Variants in KCNMB2 observed in about 807,000 individuals in gnomAD.
The protein encoded by KCNMB2 is calcium-activated potassium channel subunit beta-2.
Under a neutral mutation model 24.5 loss-of-function variants are expected in KCNMB2, and 9 were observed. The ratio of observed to expected loss-of-function variants is 0.37; its 90% CI spans 0.22 to 0.64. The LOEUF is 0.64. Among genes scored for constraint, KCNMB2 ranks in the 30% least tolerant of loss-of-function variants. KCNMB2 has a pLI of 0.63. For synonymous variants in KCNMB2, 109 were observed against 104.4 expected (o/e 1.04, Z -0.27); for missense variants, 226 against 284.3 (o/e 0.79, Z 1.47).
chr3:178,559,982 A>C (rs1016851116), intron 1 of KCNMB2, among the ~76,000 whole-genome samples: 7 of 147,804 alleles, frequency 4.7e-5, no homozygotes, highest in Middle Eastern at 3.6e-3. Flanking sequence ...AAAACAATAT[A>C]TGTATATTTA....
At chr3:178,677,782 G>T (rs189132681) in intron 1 of KCNMB2, among the ~76,000 whole-genome samples, 34 of 152,304 alleles carry the variant, frequency 2.2e-4, no homozygotes, top group African/African-American at 7.5e-4. Context: ...GCCCTTCAAG[G>T]GGGAGAAGGA....
intron 1 of KCNMB2, among the ~76,000 whole-genome samples, chr3:178,727,648 G>A (rs749669444): frequency 1.1e-4 from 16 of 152,098 alleles, no homozygotes; most frequent in Non-Finnish European, 7.4e-5. Context: ...TGGAGGAAGG[G>A]AGTCATGAGC....
At chr3:178,686,138 T>C (rs1721463459) in intron 1 of KCNMB2, among the ~76,000 whole-genome samples, 1 of 152,194 alleles carries the variant, frequency 6.6e-6, no homozygotes, top group Non-Finnish European at 1.5e-5. Context: ...ATGAGAAATA[T>C]GTTTTTCTCA....
intron 1 of KCNMB2, among the ~76,000 whole-genome samples, chr3:178,717,782 T>A (rs561911086): frequency 6.6e-6 from 1 of 151,716 alleles, no homozygotes; most frequent in Non-Finnish European, 1.5e-5. Flanking sequence ...CAAAGATGAA[T>A]AAGACAGCCT....
intron 1 of KCNMB2, among the ~76,000 whole-genome samples, chr3:178,630,708 C>A (rs1319296585): frequency 6.6e-6 from 1 of 152,170 alleles, no homozygotes; most frequent in Non-Finnish European, 1.5e-5. Context: ...CTTTTCTTGT[C>A]TTCCCCATCT....
intron 1 of KCNMB2, among the ~76,000 whole-genome samples, chr3:178,716,766 G>T (rs1336665150): frequency 6.6e-6 from 1 of 152,146 alleles, no homozygotes; most frequent in Non-Finnish European, 1.5e-5. Flanking sequence ...GGCCTTGAGA[G>T]AATCTCAGGG....
intron 1 of KCNMB2, among the ~76,000 whole-genome samples, chr3:178,542,099 A>G (rs1715639803): frequency 6.6e-6 from 1 of 152,172 alleles, no homozygotes; most frequent in Non-Finnish European, 1.5e-5. Context: ...CCCTTGTCCA[A>G]GTGTGCGCTC....
intron 1 of KCNMB2, among the ~76,000 whole-genome samples, chr3:178,787,326 CAT>C (rs1422161772): frequency 2.0e-5 from 3 of 152,102 alleles, no homozygotes; most frequent in Non-Finnish European, 2.9e-5. Context: ...CAGGTATTAA[CAT>C]ATATATGTAT....
chr3:178,745,421 T>C (rs1723632623), intron 1 of KCNMB2, among the ~76,000 whole-genome samples: 1 of 152,118 alleles, frequency 6.6e-6, no homozygotes, highest in African/African-American at 2.4e-5. Flanking sequence ...CATGATTCAA[T>C]TACCTCCCAC....
chr3:178,660,107 A>T (rs1418801147), intron 1 of KCNMB2, among the ~76,000 whole-genome samples: 1 of 152,122 alleles, frequency 6.6e-6, no homozygotes, highest in African/African-American at 2.4e-5. Context: ...TAAATTTTGA[A>T]TCACACAGTC....
intron 1 of KCNMB2, among the ~76,000 whole-genome samples, chr3:178,702,620 C>T (rs1722141535): frequency 6.6e-6 from 1 of 152,048 alleles, no homozygotes; most frequent in Non-Finnish European, 1.5e-5. Context: ...CACTTACATT[C>T]TATGTAGACT....
chr3:178,573,102 C>T (rs1270906769), intron 1 of KCNMB2, among the ~76,000 whole-genome samples: 2 of 152,078 alleles, frequency 1.3e-5, no homozygotes, highest in African/African-American at 4.8e-5. Context: ...TTTCGCCTCC[C>T]GGGTTCCAAG....
intron 1 of KCNMB2, among the ~76,000 whole-genome samples, chr3:178,539,703 GA>G (rs1436412070): frequency 1.3e-5 from 2 of 151,930 alleles, no homozygotes; most frequent in Non-Finnish European, 2.9e-5. Flanking sequence ...TCAGGTTTCT[GA>G]AAAAAGGGGA....
At chr3:178,776,969 T>C (rs1276090862) in intron 1 of KCNMB2, among the ~76,000 whole-genome samples, 4 of 152,092 alleles carry the variant, frequency 2.6e-5, no homozygotes, top group Non-Finnish European at 5.9e-5. Flanking sequence ...GGCAACTACA[T>C]TAATTAAAAT....
At chr3:178,784,022 C>T (rs535253285) in intron 1 of KCNMB2, among the ~76,000 whole-genome samples, 9 of 151,978 alleles carry the variant, frequency 5.9e-5, no homozygotes, top group Non-Finnish European at 1.3e-4. Context: ...AATTTGAAAC[C>T]GCTTTTAATG....
Position 178,758,526 on chromosome 3 carries a change from G to GTATATA in KCNMB2, c.-67-48797_-67-48792dup, listed in dbSNP as rs1269453179. The stretch of plus-strand genomic sequence containing the variant: ...TATATATATATCTCCAAGAGGAGAT[G>GTATATA]TATATATATATATATATATATATAT... On this transcript the variant is annotated intron_variant, in intron 1 of 4. Coordinates refer to ENST00000452583, the MANE Select transcript of KCNMB2 (RefSeq NM_181361.3). Among the ~76,000 whole-genome samples, 34 of 12,602 alleles carry GTATATA rather than the reference G, an allele frequency of 2.7e-3. 2 individuals carry two copies. The highest frequency in any genetic ancestry group is 3.2e-3 in the Non-Finnish European group (22 of 6,908). 8.3% of individuals were successfully genotyped at this position (12,602 alleles called of 152,430 possible).
chr3:178,714,148 C>T (rs546729822), intron 1 of KCNMB2, among the ~76,000 whole-genome samples: 1 of 152,242 alleles, frequency 6.6e-6, no homozygotes, highest in East Asian at 1.9e-4. Context: ...CAGTCACACA[C>T]ACACACAGTG....
At chr3:178,749,531 G>A (rs1223329555) in intron 1 of KCNMB2, among the ~76,000 whole-genome samples, 1 of 152,198 alleles carries the variant, frequency 6.6e-6, no homozygotes, top group Non-Finnish European at 1.5e-5. Flanking sequence ...TATCATAGTT[G>A]AGAGAGAAAA....
chr3:178,756,615 T>C (rs1724051794), intron 1 of KCNMB2, among the ~76,000 whole-genome samples: 1 of 152,132 alleles, frequency 6.6e-6, no homozygotes, highest in South Asian at 2.1e-4. Context: ...AACAATGTTG[T>C]CCATTATGCC....
Sources: gnomAD v4.1 joint callset for allele counts (sites outside exome capture counted in the v4.1 genomes callset) on GRCh38, gnomAD v4.1.1 for gene constraint, MANE v1.5 for transcripts, NCBI Gene and HGNC (gene_info 2026-07-23, HGNC 2026-07-21) for gene names.